The following TACR3 variants were observed in gnomAD, a reference collection of about 807,000 sequenced individuals.
TACR3 encodes neuromedin-K receptor.
TACR3 carries 34 observed loss-of-function variants against 35.0 expected under a neutral mutation model. The ratio of observed to expected loss-of-function variants is 0.97; its 90% CI spans 0.74 to 1.30. TACR3 has a LOEUF of 1.30. Ranked by LOEUF, TACR3 falls within the 50% of genes most tolerant of loss-of-function variation. The pLI is 0.00. For missense variants in TACR3, 558 were observed against 591.7 expected, an observed-to-expected ratio of 0.94 and a Z score of 0.59; for synonymous variants, 233 against 221.1, an observed-to-expected ratio of 1.05 and a Z score of -0.48.
intron 1 of TACR3, among the ~76,000 whole-genome samples, chr4:103,702,233 G>T (rs1722668383): frequency 6.6e-6 from 1 of 152,144 alleles, no homozygotes; most frequent in African/African-American, 2.4e-5. Flanking sequence ...ATCAAAAAGT[G>T]GGCAAAGGAT....
intron 3 of TACR3, among the ~76,000 whole-genome samples, chr4:103,625,609 T>G (rs1724870858): frequency 6.6e-6 from 1 of 152,124 alleles, no homozygotes; most frequent in South Asian, 2.1e-4. Flanking sequence ...CTACCTTTAT[T>G]TAGTAGCACT....
intron 1 of TACR3, among the ~76,000 whole-genome samples, chr4:103,710,163 G>T (rs1722909070): frequency 6.6e-6 from 1 of 152,142 alleles, no homozygotes; most frequent in Admixed American, 6.5e-5. Flanking sequence ...GGACCTAATA[G>T]ACATCTACAG....
At chr4:103,633,895 C>G (rs146633631) in intron 3 of TACR3, among the ~76,000 whole-genome samples, 1 of 151,678 alleles carries the variant, frequency 6.6e-6, no homozygotes, top group African/African-American at 2.4e-5. Context: ...TTAAAAAAAG[C>G]AAGTCTTTCA....
intron 1 of TACR3, among the ~76,000 whole-genome samples, chr4:103,717,996 C>A (rs999085881): frequency 4.6e-5 from 7 of 152,050 alleles, no homozygotes; most frequent in African/African-American, 1.4e-4. Context: ...TAATTTAATC[C>A]TTTGAGCCTG....
chr4:103,618,369 C>T (rs1724704373), intron 3 of TACR3, among the ~76,000 whole-genome samples: 1 of 152,050 alleles, frequency 6.6e-6, no homozygotes, highest in African/African-American at 2.4e-5. Flanking sequence ...TCAGTCTTGA[C>T]AAAGTTCAGA....
intron 1 of TACR3, among the ~76,000 whole-genome samples, chr4:103,715,023 C>T (rs533151086): frequency 1.3e-5 from 2 of 152,212 alleles, no homozygotes; most frequent in Admixed American, 6.6e-5. Context: ...ATCTACTTGG[C>T]CATTACTATT....
At chr4:103,692,682 C>A (rs1230954683) in intron 1 of TACR3, among the ~76,000 whole-genome samples, 1 of 152,058 alleles carries the variant, frequency 6.6e-6, no homozygotes, top group Non-Finnish European at 1.5e-5. Context: ...TAAACATTAA[C>A]AAATCCAATC....
intron 1 of TACR3, among the ~76,000 whole-genome samples, chr4:103,706,857 G>C (rs1722805233): frequency 6.6e-6 from 1 of 152,186 alleles, no homozygotes; most frequent in African/African-American, 2.4e-5. Flanking sequence ...GATTCCAAGA[G>C]CTTTTGCCAT....
At chr4:103,704,977 A>T (rs1722751438) in intron 1 of TACR3, among the ~76,000 whole-genome samples, 1 of 152,208 alleles carries the variant, frequency 6.6e-6, no homozygotes, top group Non-Finnish European at 1.5e-5. Context: ...TTATTTCTAC[A>T]TAAAATTTCG....
At chr4:103,674,708 C>T (rs534862365) in intron 1 of TACR3, among the ~76,000 whole-genome samples, 4 of 152,252 alleles carry the variant, frequency 2.6e-5, no homozygotes, top group Admixed American at 6.5e-5. Flanking sequence ...CACACCTCCA[C>T]GCCTGGCTAA....
chr4:103,647,062 T>C (rs1725477237), intron 3 of TACR3, among the ~76,000 whole-genome samples: 2 of 152,084 alleles, frequency 1.3e-5, no homozygotes, highest in East Asian at 1.9e-4. Context: ...AAGGGATTCA[T>C]GAAATTTTAG....
At chr4:103,596,208 CA>C (rs1213721466) in intron 3 of TACR3, among the ~76,000 whole-genome samples, 1 of 150,850 alleles carries the variant, frequency 6.6e-6, no homozygotes, top group African/African-American at 2.4e-5. Context: ...CCGCAATAAA[CA>C]TACGTGTGCA....
chr4:103,683,467 GA>G (rs1722146509), intron 1 of TACR3, among the ~76,000 whole-genome samples: 1 of 14,480 alleles, frequency 6.9e-5, no homozygotes, highest in Non-Finnish European at 1.2e-4. Flanking sequence ...TAGAAAGACT[GA>G]CCAAAAAAAA....
intron 4 of TACR3, among the ~76,000 whole-genome samples, chr4:103,590,515 C>T (rs1473982785): frequency 6.6e-6 from 1 of 151,174 alleles, no homozygotes; most frequent in East Asian, 1.9e-4. Flanking sequence ...CTTTGTAAAC[C>T]ATTAAATGAA....
At chr4:103,631,446 T>C (rs948104187) in intron 3 of TACR3, among the ~76,000 whole-genome samples, 5 of 152,160 alleles carry the variant, frequency 3.3e-5, no homozygotes, top group East Asian at 1.9e-4. Flanking sequence ...ATTTTACTTA[T>C]GGCAGAGCAC....
intron 3 of TACR3, among the ~76,000 whole-genome samples, chr4:103,603,666 A>G (rs904540920): frequency 6.6e-6 from 1 of 152,214 alleles, no homozygotes; most frequent in Non-Finnish European, 1.5e-5. Context: ...AGAATGATTT[A>G]TAATCCTTTG....
chr4:103,595,968 T>A (rs1267094663), intron 3 of TACR3, among the ~76,000 whole-genome samples: 4 of 148,246 alleles, frequency 2.7e-5, no homozygotes, highest in Non-Finnish European at 5.9e-5. Context: ...TTCTCATTGT[T>A]CAATACCCAC....
intron 3 of TACR3, among the ~76,000 whole-genome samples, chr4:103,642,862 G>T (rs1553970916): frequency 6.6e-6 from 1 of 151,678 alleles, no homozygotes; most frequent in Non-Finnish European, 1.5e-5. Context: ...TGAGCTGATG[G>T]ATATACTAAT....
At chr4:103,702,469 C>T (rs1342273016) in intron 1 of TACR3, among the ~76,000 whole-genome samples, 1 of 152,168 alleles carries the variant, frequency 6.6e-6, no homozygotes, top group Admixed American at 6.5e-5. Context: ...TAAACTAGTT[C>T]AACCATTGTG....
Sources: allele counts gnomAD v4.1 joint callset (sites outside exome capture counted in the v4.1 genomes callset), GRCh38; gene constraint gnomAD v4.1.1; transcripts MANE v1.5; gene names NCBI Gene and HGNC (gene_info 2026-07-23, HGNC 2026-07-21).